LRP1B: variants seen among roughly 807,000 people sequenced by gnomAD.
LRP1B encodes the protein LDL receptor related protein 1B.
Under a neutral mutation model 556.6 loss-of-function variants are expected in LRP1B, and 217 were observed. That is an observed-to-expected ratio of 0.39 (90% confidence interval 0.35 to 0.44). The LOEUF (loss-of-function observed/expected upper bound fraction) is 0.44. LRP1B is among the 20% of genes least tolerant of loss of function. The probability of loss-of-function intolerance (pLI) is 1.00; values close to 1 mark genes in which losing one functional copy is unlikely to be tolerated. For synonymous variants in LRP1B, 2,047 were observed against 1,865.8 expected (o/e 1.10, Z -2.50); for missense variants, 5,053 against 5,620.8 (o/e 0.90, Z 3.23).
In LRP1B at chr2:142,057,495, G is replaced by A. The variant is rs147015066; in HGVS notation, c.82+73153C>T. Among the ~76,000 whole-genome samples, 7 of 152,162 alleles carry A rather than the reference G, an allele frequency of 4.6e-5. No individual in the cohort carries two copies. In the East Asian group the frequency reaches 5.8e-4, roughly 13 times the overall value. ...TCAAAGTCTAGTGATACAGAATGCCGCTGGGGAAAAAATAGAGAACAGTGA... is the reference window on the plus strand; with the variant it reads ...TCAAAGTCTAGTGATACAGAATGCCACTGGGGAAAAAATAGAGAACAGTGA... On this transcript the variant is annotated intron_variant, in intron 1 of 90. Transcript: ENST00000389484.
intron 1 of LRP1B, among the ~76,000 whole-genome samples, chr2:141,935,803 T>C (rs1574507255): frequency 6.6e-6 from 1 of 152,218 alleles, no homozygotes; most frequent in East Asian, 1.9e-4. Flanking sequence ...ATAGACAAAA[T>C]AAACTTTAAA....
rs968553341 is a variant in LRP1B at position 140,890,705 on chromosome 2, AGATT to A, written c.3767-4374_3767-4371del. ...CTCTAAAGATCTATGTTGACTTATT[AGATT>A]ATTATTTCCCCTCTGAGAAAATAAA... is the stretch of plus-strand genomic sequence containing the variant. On this transcript the variant is annotated intron_variant, in intron 23 of 90. Transcript: ENST00000389484. Among the ~76,000 whole-genome samples, 17 of 152,190 alleles carry A rather than the reference AGATT, an allele frequency of 1.1e-4. No individual in the cohort carries two copies. In the East Asian group the frequency reaches 1.2e-3, roughly 10 times the overall value.
At chr2:141,190,994 C>A (rs1473992343) in intron 6 of LRP1B, among the ~76,000 whole-genome samples, 1 of 151,930 alleles carries the variant, frequency 6.6e-6, no homozygotes, top group South Asian at 2.1e-4. Flanking sequence ...TGAGAGGTGA[C>A]CTCCCTACCT....
In LRP1B at chr2:140,399,616, A is replaced by G. The variant is rs573855974; in HGVS notation, c.10415-13607T>C. On this transcript the variant is annotated intron_variant, in intron 66 of 90. Transcript: ENST00000389484. ...TAGAAACACCATTGTCTGCTGGCTA[A>G]TCTCTCTTTTTGGTAACCTACTTAA... Among the ~76,000 whole-genome samples the G allele has an allele frequency of 5.3e-5, 8 of 152,314 alleles. No individual in the cohort carries two copies. In the South Asian group the frequency reaches 1.4e-3, roughly 28 times the overall value.
At chr2:141,426,524 A>G (rs1680369725) in intron 3 of LRP1B, among the ~76,000 whole-genome samples, 1 of 152,168 alleles carries the variant, frequency 6.6e-6, no homozygotes, top group African/African-American at 2.4e-5. Flanking sequence ...AAAATATAAT[A>G]CCAAAGCTTC....
At chr2:140,750,750 T>C (rs530408529) in intron 35 of LRP1B, among the ~76,000 whole-genome samples, 4 of 152,260 alleles carry the variant, frequency 2.6e-5, no homozygotes, top group Non-Finnish European at 5.9e-5. Context: ...TATTATTTCA[T>C]ACCAAAAACA....
At chr2:141,607,372 A>C (rs1687953366) in intron 2 of LRP1B, among the ~76,000 whole-genome samples, 1 of 152,172 alleles carries the variant, frequency 6.6e-6, no homozygotes. Flanking sequence ...CTGCTTCCTG[A>C]CACATCCTTA....
chr2:140,492,051 TCC>T (rs1688723569), intron 57 of LRP1B, among the ~76,000 whole-genome samples: 10 of 152,252 alleles, frequency 6.6e-5, no homozygotes, highest in African/African-American at 2.4e-4. Context: ...TCTGTTTTTT[TCC>T]TGAGTAGCCA....
At chr2:141,475,317 A>C (rs187713961) in intron 3 of LRP1B, among the ~76,000 whole-genome samples, 1 of 152,298 alleles carries the variant, frequency 6.6e-6, no homozygotes, top group Non-Finnish European at 1.5e-5. Context: ...CCATAAGCTG[A>C]GATCATGCCA....
In LRP1B at chr2:140,370,838, T is replaced by G; in HGVS notation, c.10880A>C (p.Asp3627Ala). ...ATCTTCCTTACATTCAGTCACACAGTCCATCTGTTCAAATACAAATGGACA... is the reference window on the plus strand; with the variant it reads ...ATCTTCCTTACATTCAGTCACACAGGCCATCTGTTCAAATACAAATGGACA... ...YDCADGSDEMDCVTECKEDQF... is the reference protein window; with the variant it reads ...YDCADGSDEMACVTECKEDQF... Residue 3627 changes from aspartate to alanine, a missense_variant, in exon 71 of 91, where the codon GAC becomes GCC. Asp to Ala is a moderately radical substitution (Grantham distance 126). Transcript: ENST00000389484. 3.1e-6 allele frequency: 5 copies of G among 1,612,250 alleles called. No individual in the cohort carries two copies. Among genetic ancestry groups the G allele is most frequent in the Non-Finnish European group, 4.2e-6 (5 of 1,178,856 alleles).
rs148256177 is a variant in LRP1B at position 140,516,908 on chromosome 2, T to C, written c.8130A>G (p.Gly2710=). 1.2e-6 allele frequency: 2 copies of C among 1,613,460 alleles called. No individual in the cohort carries two copies. Among genetic ancestry groups the C allele is most frequent in the Non-Finnish European group, 1.7e-6 (2 of 1,179,676 alleles). Residue 2710 remains glycine, a synonymous_variant, in exon 50 of 91, where the codon GGA becomes GGG. Coordinates refer to ENST00000389484, the MANE Select transcript of LRP1B (RefSeq NM_018557.3). ...ICDGQKDCED[G]RDEFHCDSSC... is the part of the protein sequence containing the mutation. ...TCTCACCACAGTGGAATTCATCACGTCCATCCTCACAATCTTTCTGACCAT... is the reference window on the plus strand; with the variant it reads ...TCTCACCACAGTGGAATTCATCACGCCCATCCTCACAATCTTTCTGACCAT...
chr2:141,561,644 G>A (rs1434008474), intron 2 of LRP1B, among the ~76,000 whole-genome samples: 1 of 151,772 alleles, frequency 6.6e-6, no homozygotes. Context: ...ACATAGCCTA[G>A]TCTAAGATTG....
intron 32 of LRP1B, among the ~76,000 whole-genome samples, chr2:140,786,179 G>T (rs1234413008): frequency 6.6e-6 from 1 of 152,202 alleles, no homozygotes; most frequent in Non-Finnish European, 1.5e-5. Flanking sequence ...TCCATCTCCA[G>T]ATCTGTGACT....
intron 25 of LRP1B, among the ~76,000 whole-genome samples, chr2:140,874,233 C>T (rs1380246226): frequency 6.6e-6 from 1 of 152,106 alleles, no homozygotes; most frequent in Non-Finnish European, 1.5e-5. Flanking sequence ...TTGGTTAGAA[C>T]AGTGACATTT....
intron 2 of LRP1B, among the ~76,000 whole-genome samples, chr2:141,571,982 A>C (rs958003745): frequency 2.0e-5 from 3 of 152,220 alleles, no homozygotes; most frequent in African/African-American, 4.8e-5. Context: ...GATAGGGAGA[A>C]TGGAAACAAG....
intron 2 of LRP1B, among the ~76,000 whole-genome samples, chr2:141,547,067 T>C (rs1398334422): frequency 6.6e-6 from 1 of 152,160 alleles, no homozygotes; most frequent in African/African-American, 2.4e-5. Context: ...GAATTTCCAG[T>C]ATTGTCGTAG....
chr2:140,267,553 A>C (rs1381652252), intron 86 of LRP1B, among the ~76,000 whole-genome samples: 1 of 151,968 alleles, frequency 6.6e-6, no homozygotes, highest in Non-Finnish European at 1.5e-5. Context: ...ACTTGGGAAA[A>C]GTCTGTACAG....
intron 3 of LRP1B, among the ~76,000 whole-genome samples, chr2:141,421,178 C>T (rs1209657228): frequency 6.6e-6 from 1 of 152,164 alleles, no homozygotes; most frequent in Non-Finnish European, 1.5e-5. Flanking sequence ...TGCCATCTTG[C>T]TGATATCGCT....
intron 1 of LRP1B, among the ~76,000 whole-genome samples, chr2:141,966,461 T>C (rs1701568945): frequency 6.6e-6 from 1 of 151,850 alleles, no homozygotes; most frequent in Non-Finnish European, 1.5e-5. Flanking sequence ...AACAGAGAGC[T>C]AGGAGTTCCA....
Sources: gnomAD v4.1 joint callset for allele counts (sites outside exome capture counted in the v4.1 genomes callset) on GRCh38, gnomAD v4.1.1 for gene constraint, MANE v1.5 for transcripts, NCBI Gene and HGNC (gene_info 2026-07-23, HGNC 2026-07-21) for gene names.